Variants in HS6ST3 observed in about 807,000 individuals in gnomAD.
HS6ST3 encodes the protein heparan-sulfate 6-O-sulfotransferase 3.
Under a neutral mutation model 36.7 loss-of-function variants are expected in HS6ST3, and 12 were observed. The ratio of observed to expected loss-of-function variants is 0.33; its 90% confidence interval spans 0.21 to 0.53. The LOEUF (loss-of-function observed/expected upper bound fraction) is 0.53, where lower values mean the gene tolerates loss of function less well. Among genes scored for constraint, HS6ST3 ranks in the 20% least tolerant of loss-of-function variants. The probability of loss-of-function intolerance (pLI) is 0.95; values close to 1 mark genes in which losing one functional copy is unlikely to be tolerated. For missense variants in HS6ST3, 584 were observed against 640.9 expected (o/e 0.91, Z 0.96); for synonymous variants, 240 against 257.5 (o/e 0.93, Z 0.65).
At chr13:96,548,342 A>G (rs2056205319) in intron 1 of HS6ST3, among the ~76,000 whole-genome samples, 1 of 152,108 alleles carries the variant, frequency 6.6e-6, no homozygotes. Context: ...GCAGGAATCA[A>G]TCCCACAGCA....
intron 1 of HS6ST3, among the ~76,000 whole-genome samples, chr13:96,116,244 A>G (rs1401936101): frequency 6.6e-6 from 1 of 152,138 alleles, no homozygotes; most frequent in African/African-American, 2.4e-5. Flanking sequence ...TTACACTGCT[A>G]CTACCTGAAT....
At chr13:96,626,516 A>G (rs993754289) in intron 1 of HS6ST3, among the ~76,000 whole-genome samples, 2 of 152,174 alleles carry the variant, frequency 1.3e-5, no homozygotes, top group African/African-American at 4.8e-5. Flanking sequence ...ATATAACACA[A>G]TAATAATCAT....
intron 1 of HS6ST3, among the ~76,000 whole-genome samples, chr13:96,698,816 A>G (rs1408655225): frequency 1.3e-5 from 2 of 152,210 alleles, no homozygotes; most frequent in African/African-American, 4.8e-5. Flanking sequence ...AAAAGAACAA[A>G]GCTGGAGGCA....
chr13:96,742,325 A>G (rs888121069), intron 1 of HS6ST3, among the ~76,000 whole-genome samples: 3 of 152,170 alleles, frequency 2.0e-5, no homozygotes, highest in African/African-American at 7.2e-5. Flanking sequence ...TTCCAAATAT[A>G]TCCATAATCT....
intron 1 of HS6ST3, among the ~76,000 whole-genome samples, chr13:96,350,030 A>G (rs2055174380): frequency 2.0e-5 from 3 of 152,166 alleles, no homozygotes; most frequent in Non-Finnish European, 1.5e-5. Context: ...ATAGCTGGGT[A>G]TTAGAACAGA....
intron 1 of HS6ST3, among the ~76,000 whole-genome samples, chr13:96,490,006 C>G (rs981867941): frequency 6.6e-6 from 1 of 152,084 alleles, no homozygotes; most frequent in African/African-American, 2.4e-5. Flanking sequence ...TCTACTCATA[C>G]TTAGCTCTGA....
chr13:96,474,407 A>G (rs2055853541), intron 1 of HS6ST3, among the ~76,000 whole-genome samples: 2 of 152,204 alleles, frequency 1.3e-5, no homozygotes, highest in South Asian at 4.1e-4. Context: ...TTAAAAATAA[A>G]ACAGGAAGGA....
intron 1 of HS6ST3, among the ~76,000 whole-genome samples, chr13:96,809,195 T>A (rs1402651366): frequency 6.6e-6 from 1 of 152,192 alleles, no homozygotes; most frequent in African/African-American, 2.4e-5. Context: ...AATAATGTAT[T>A]CTTTTTTTTA....
At position 96,430,645 on chromosome 13, in the gene HS6ST3, A is replaced by G. The variant is rs574440379; in HGVS notation, c.707+339076A>G. On this transcript the variant is annotated intron_variant, in intron 1 of 1. Transcript: ENST00000376705. ...CTCTTTACCACCTGGACTTCCAGCCATTCCCTACAGTCTGAGTTCCAAAAT... is the reference window on the plus strand; with the variant it reads ...CTCTTTACCACCTGGACTTCCAGCCGTTCCCTACAGTCTGAGTTCCAAAAT... Among the ~76,000 whole-genome samples the G allele has an allele frequency of 3.3e-5, 5 of 152,180 alleles. No individual in the cohort carries two copies. In the South Asian group the frequency reaches 6.2e-4, roughly 19 times the overall value.
At chr13:96,445,912 C>G (rs1469359197) in intron 1 of HS6ST3, among the ~76,000 whole-genome samples, 1 of 151,802 alleles carries the variant, frequency 6.6e-6, no homozygotes, top group African/African-American at 2.4e-5. Context: ...GTGCCTCACG[C>G]CTGTAATCCC....
chr13:96,803,282 A>G (rs1878125574), intron 1 of HS6ST3, among the ~76,000 whole-genome samples: 1 of 152,170 alleles, frequency 6.6e-6, no homozygotes, highest in African/African-American at 2.4e-5. Flanking sequence ...ATAAAGTACA[A>G]AATAACAACA....
At chr13:96,332,172 A>G (rs369823288) in intron 1 of HS6ST3, among the ~76,000 whole-genome samples, 16 of 152,320 alleles carry the variant, frequency 1.1e-4, no homozygotes, top group South Asian at 2.1e-4. Flanking sequence ...GCTGTAGACC[A>G]GAGCTGTTCC....
At chr13:96,319,643 C>T (rs180713911) in intron 1 of HS6ST3, among the ~76,000 whole-genome samples, 16 of 152,246 alleles carry the variant, frequency 1.1e-4, no homozygotes, top group African/African-American at 3.6e-4. Flanking sequence ...GCTCCATGTC[C>T]TAGGCTTTTA....
At chr13:96,318,300 G>A (rs2054986120) in intron 1 of HS6ST3, among the ~76,000 whole-genome samples, 1 of 152,208 alleles carries the variant, frequency 6.6e-6, no homozygotes, top group African/African-American at 2.4e-5. Flanking sequence ...GGGAGGCTGA[G>A]GCAGGTGGAT....
chr13:96,351,335 T>TTTTTTAAAA (rs1203595829), intron 1 of HS6ST3, among the ~76,000 whole-genome samples: 1 of 146,366 alleles, frequency 6.8e-6, no homozygotes, highest in African/African-American at 2.6e-5. Context: ...TTTTTTTTTT[T>TTTTTTAAAA]AAAAAAAACA....
At chr13:96,830,978 A>G (rs995003870) in intron 1 of HS6ST3, among the ~76,000 whole-genome samples, 1 of 152,182 alleles carries the variant, frequency 6.6e-6, no homozygotes. Flanking sequence ...GGTCCTTTCT[A>G]TGGCTTCCCT....
intron 1 of HS6ST3, among the ~76,000 whole-genome samples, chr13:96,699,702 A>G (rs955733069): frequency 1.3e-5 from 2 of 152,246 alleles, no homozygotes; most frequent in African/African-American, 4.8e-5. Flanking sequence ...TCAGGGATCT[A>G]GAATTAGAAA....
At chr13:96,585,413 A>C (rs900758401) in intron 1 of HS6ST3, among the ~76,000 whole-genome samples, 2 of 152,184 alleles carry the variant, frequency 1.3e-5, no homozygotes, top group Non-Finnish European at 2.9e-5. Context: ...GGGTATATAC[A>C]CATTGTAAAA....
At chr13:96,381,306 CTGG>C (rs2055339339) in intron 1 of HS6ST3, among the ~76,000 whole-genome samples, 3 of 152,034 alleles carry the variant, frequency 2.0e-5, no homozygotes, top group African/African-American at 7.2e-5. Context: ...CTCTTTGCAC[CTGG>C]TGAAGATTGT....
Sources: gnomAD v4.1 joint callset for allele counts (sites outside exome capture counted in the v4.1 genomes callset) on GRCh38, gnomAD v4.1.1 for gene constraint, MANE v1.5 for transcripts, NCBI Gene and HGNC (gene_info 2026-07-23, HGNC 2026-07-21) for gene names.